RHOV: variants seen among roughly 807,000 people sequenced by gnomAD.
The protein encoded by RHOV is rho-related GTP-binding protein RhoV.
A neutral mutation model predicts 20.2 loss-of-function variants in RHOV; 6 were observed. The observed-to-expected ratio is 0.30, with a 90% CI of 0.16 to 0.59. The LOEUF (loss-of-function observed/expected upper bound fraction) is 0.59, where lower values mean the gene tolerates loss of function less well. Among genes scored for constraint, RHOV ranks in the 20% least tolerant of loss-of-function variants. The probability of loss-of-function intolerance (pLI) is 0.89; values close to 1 mark genes in which losing one functional copy is unlikely to be tolerated. For synonymous variants in RHOV, 136 were observed against 142.3 expected, an observed-to-expected ratio of 0.96 and a Z score of 0.31; for missense variants, 275 against 319.4, an observed-to-expected ratio of 0.86 and a Z score of 1.06.
Position 40,873,579 on chromosome 15 carries a change from G to A in RHOV, c.268-78C>T, listed in dbSNP as rs1021194289. The A allele has an allele frequency of 3.2e-6, 5 of 1,581,842 alleles. No individual in the cohort carries two copies. In the African/African-American group the frequency reaches 4.0e-5, roughly 13 times the overall value. ...ATTTCTCACCCGGGGCTGGAAACCT[G>A]AGACTCCAAGAGCCCAAGGCTTTCT... On this transcript the variant is annotated intron_variant, in intron 2 of 2. Coordinates refer to ENST00000220507, the MANE Select transcript of RHOV (RefSeq NM_133639.4).
In RHOV at chr15:40,873,262, G is replaced by A. The variant is rs1189999767; in HGVS notation, c.507C>T (p.Pro169=). 3 of 1,614,130 alleles carry A rather than the reference G, an allele frequency of 1.9e-6. No homozygotes were observed. The highest frequency in any genetic ancestry group is 2.5e-6 in the Non-Finnish European group (3 of 1,180,034). Residue 169 remains proline (P), a synonymous_variant, in exon 3 of 3, where the codon CCC becomes CCT. Coordinates refer to ENST00000220507, the MANE Select transcript of RHOV (RefSeq NM_133639.4). ...QGGREGPVPQ[P]QAQGLAEKIR... ...TCTTCTCGGCCAGACCCTGAGCCTG[G>A]GGTTGGGGCACGGGGCCCTCCCGGC...
chr15:40,873,004 G>A lies in RHOV; in HGVS notation c.*54C>T, dbSNP rs1891906020. On this transcript the variant is annotated 3_prime_UTR_variant, in exon 3 of 3. Coordinates refer to ENST00000220507, the MANE Select transcript of RHOV (RefSeq NM_133639.4). The stretch of plus-strand genomic sequence containing the variant: ...CTGCCGCAAAGGCCCGGGTGCCCCA[G>A]GTCTCAGAAGTCTTTGGCCTCCTGC... 6.9e-7 allele frequency: 1 copy of A among 1,438,938 alleles called. No homozygotes were observed. The highest frequency in any genetic ancestry group is 9.6e-7 in the Non-Finnish European group (1 of 1,040,078). 89.1% of individuals were successfully genotyped at this position (1,438,938 alleles called of 1,614,324 possible). A position where few individuals can be genotyped will look rare whatever the true frequency, so the allele number is the denominator to read the frequency against.
rs754691420 is a variant in RHOV, at chr15:40,873,150, C to G, written c.619G>C (p.Glu207Gln). Residue 207 changes from glutamate to glutamine, a missense_variant, in exon 3 of 3, where the codon GAG (glutamate) becomes CAG (glutamine). Transcript: ENST00000220507. Reference sequence around the variant, plus strand: ...TTCTTCTCCAGCCGGGCTTTGTGCTCAATGGCACTGAGAATAGCCGAGTCA... The same window carrying G: ...TTCTTCTCCAGCCGGGCTTTGTGCTGAATGGCACTGAGAATAGCCGAGTCA... Reference protein sequence around the residue: ...VFDSAILSAIEHKARLEKKLN... With the variant: ...VFDSAILSAIQHKARLEKKLN... 5 of 1,614,138 alleles carry G rather than the reference C, an allele frequency of 3.1e-6. No homozygotes were observed. In the African/African-American group the frequency reaches 4.0e-5, roughly 13 times the overall value.
Position 40,874,164 on chromosome 15 carries a change from G to A in RHOV, c.-25C>T, listed in dbSNP as rs1460408715. Reference sequence around the variant, plus strand: ...TGGCCCGCTCCGGGGGCAGCAGAGGGGCCAGCCCGGGTCTCGGCTTCGCTG... The same window carrying A: ...TGGCCCGCTCCGGGGGCAGCAGAGGAGCCAGCCCGGGTCTCGGCTTCGCTG... On this transcript the variant is annotated 5_prime_UTR_variant, in exon 1 of 3. Coordinates refer to ENST00000220507, the MANE Select transcript of RHOV (RefSeq NM_133639.4). 1 of 1,100,260 alleles carries A rather than the reference G, an allele frequency of 9.1e-7. No homozygotes were observed. Among genetic ancestry groups the A allele is most frequent in the Non-Finnish European group, 1.2e-6 (1 of 842,670 alleles). 68.2% of individuals were successfully genotyped at this position (1,100,260 alleles called of 1,614,324 possible).
chr15:40,872,418 G>C lies in RHOV; in HGVS notation c.*640C>G, dbSNP rs1891897076. On this transcript the variant is annotated 3_prime_UTR_variant, in exon 3 of 3. Coordinates refer to ENST00000220507, the MANE Select transcript of RHOV (RefSeq NM_133639.4). ...TTGGGCAGTGCCTAGGGAGCCCAGAGACCCAGTTCTTCCCAGGGGCCAGCC... is the reference window on the plus strand; with the variant it reads ...TTGGGCAGTGCCTAGGGAGCCCAGACACCCAGTTCTTCCCAGGGGCCAGCC... The C allele has an allele frequency of 1.3e-5, 2 of 152,434 alleles. No homozygotes were observed. The highest frequency in any genetic ancestry group is 1.5e-5 in the Non-Finnish European group (1 of 68,202). 9.4% of individuals were successfully genotyped at this position (152,434 alleles called of 1,614,324 possible). A position where few individuals can be genotyped will look rare whatever the true frequency, so the allele number is the denominator to read the frequency against.
Position 40,872,994 on chromosome 15 carries a change from G to T in RHOV, c.*64C>A. 1.5e-6 allele frequency: 2 copies of T among 1,337,428 alleles called. No individual in the cohort carries two copies. Among genetic ancestry groups the T allele is most frequent in the Non-Finnish European group, 1.1e-6 (1 of 952,358 alleles). The allele number at this position is 1,337,428 out of a possible 1,614,324, so 82.8% of individuals were successfully genotyped here. ...CTGCCAGTAGCTGCCGCAAAGGCCCGGGTGCCCCAGGTCTCAGAAGTCTTT... is the reference window on the plus strand; with the variant it reads ...CTGCCAGTAGCTGCCGCAAAGGCCCTGGTGCCCCAGGTCTCAGAAGTCTTT... On this transcript the variant is annotated 3_prime_UTR_variant, in exon 3 of 3. Transcript: ENST00000220507.
At position 40,873,032 on chromosome 15, in the gene RHOV, A is replaced by G. The variant is rs1891906533; in HGVS notation, c.*26T>C. On this transcript the variant is annotated 3_prime_UTR_variant, in exon 3 of 3. Transcript: ENST00000220507. ...CTCAGAAGTCTTTGGCCTCCTGCCT[A>G]CTACTTGCTATGCAGCCATAGCTGC... 6.3e-7 allele frequency: 1 copy of G among 1,585,698 alleles called. No homozygotes were observed. The highest frequency in any genetic ancestry group is 1.1e-5 in the South Asian group (1 of 88,684).
chr15:40,873,280 C>T lies in RHOV; in HGVS notation c.489G>A (p.Glu163=). 1 of 1,614,010 alleles carries T rather than the reference C, an allele frequency of 6.2e-7. No homozygotes were observed. The highest frequency in any genetic ancestry group is 8.5e-7 in the Non-Finnish European group (1 of 1,180,028). Reference sequence around the variant, plus strand: ...GAGCCTGGGGTTGGGGCACGGGGCCCTCCCGGCCCCCCTGGTCCAGCTGAA... The same window carrying T: ...GAGCCTGGGGTTGGGGCACGGGGCCTTCCCGGCCCCCCTGGTCCAGCTGAA... ...VLIQLDQGGR[E]GPVPQPQAQG... The change falls in exon 3 of 3, where the codon GAG becomes GAA. Residue 163 remains glutamate, a synonymous_variant. Transcript: ENST00000220507.
chr15:40,873,876 C>T (rs1236650435), intron 1 of RHOV, 56 bp downstream of exon 1: 1 of 1,561,272 alleles, frequency 6.4e-7, no homozygotes, highest in African/African-American at 1.4e-5. Context: ...CCCCAGCTCC[C>T]CGGTGCACAG....
chr15:40,873,831 C>T, intron 1 of RHOV, 89 bp from the exon 2 acceptor site: 1 of 1,543,806 alleles, frequency 6.5e-7, no homozygotes, highest in East Asian at 2.3e-5. Context: ...AGTCTCCTCC[C>T]CGGGGTCCTC....
At position 40,873,670 on chromosome 15, in the gene RHOV, G is replaced by T; in HGVS notation, c.267+14C>A. The T allele has an allele frequency of 6.2e-7, 1 of 1,613,756 alleles. No individual in the cohort carries two copies. Among genetic ancestry groups the T allele is most frequent in the Non-Finnish European group, 8.5e-7 (1 of 1,179,750 alleles). On this transcript the variant is annotated intron_variant, in intron 2 of 2. Transcript: ENST00000220507. ...CTCCCCGCAGACCAGTAGAGGCCGC[G>T]CCCAGCTTCTCACCTGTCCCGCTGT...
chr15:40,873,610 T>A, intron 2 of RHOV, 74 bp downstream of exon 2: 1 of 1,587,820 alleles, frequency 6.3e-7, no homozygotes, highest in East Asian at 2.2e-5. Context: ...TTTCTCCATT[T>A]GCTCCATATG....
In RHOV at chr15:40,873,260, TG is replaced by T. The variant is rs771739683; in HGVS notation, c.508del (p.Gln170ArgfsTer20). On this transcript the variant is annotated frameshift_variant, in exon 3 of 3. Coordinates refer to ENST00000220507, the MANE Select transcript of RHOV (RefSeq NM_133639.4). LOFTEE classifies it high-confidence loss of function. The part of the protein sequence containing the change: ...GGREGPVPQP[Q>X]AQGLAEKIRA... ...GATCTTCTCGGCCAGACCCTGAGCC[TG>T]GGGTTGGGGCACGGGGCCCTCCCGG... is the stretch of plus-strand genomic sequence containing the variant. The T allele has an allele frequency of 1.9e-6, 3 of 1,614,010 alleles. No individual in the cohort carries two copies. Among genetic ancestry groups the T allele is most frequent in the Non-Finnish European group, 2.5e-6 (3 of 1,180,022 alleles).
chr15:40,872,728 A>AG lies in RHOV; in HGVS notation c.*329dup, dbSNP rs1330252610. 3 of 263,294 alleles carry AG rather than the reference A, an allele frequency of 1.1e-5. No individual in the cohort carries two copies. In the Admixed American group the frequency reaches 1.5e-4, roughly 13 times the overall value. 16.3% of individuals were successfully genotyped at this position (263,294 alleles called of 1,614,324 possible). On this transcript the variant is annotated 3_prime_UTR_variant, in exon 3 of 3. Coordinates refer to ENST00000220507, the MANE Select transcript of RHOV (RefSeq NM_133639.4). ...GCCAAGGAAGGGTCCTAATTCAGCC[A>AG]GGCTGACCTGAGGGCCCAGGACAAG...
At position 40,873,961 on chromosome 15, in the gene RHOV, T is replaced by G; in HGVS notation, c.179A>C (p.Tyr60Ser). 2 of 1,611,112 alleles carry G rather than the reference T, an allele frequency of 1.2e-6. No individual in the cohort carries two copies. Among genetic ancestry groups the G allele is most frequent in the Non-Finnish European group, 1.7e-6 (2 of 1,179,108 alleles). Residue 60 changes from tyrosine to serine, a missense_variant, in exon 1 of 3, where the codon TAC becomes TCC. Coordinates refer to ENST00000220507, the MANE Select transcript of RHOV (RefSeq NM_133639.4). ...SYTCNGYPAR[Y>S]RPTALDTFSV... ...GAAGGTGTCCAGCGCAGTGGGCCGG[T>G]AGCGCGCGGGGTACCCATTGCAGGT...
In RHOV at chr15:40,874,027, C is replaced by A. The variant is rs1247777910; in HGVS notation, c.113G>T (p.Gly38Val). 6.2e-7 allele frequency: 1 copy of A among 1,602,598 alleles called. No homozygotes were observed. Among genetic ancestry groups the A allele is most frequent in the Non-Finnish European group, 8.5e-7 (1 of 1,175,982 alleles). ...PELGIKCVLV[G>V]DGAVGKSSLI... ...GCTGCTCTTGCCCACGGCGCCGTCG[C>A]CCACCAGCACGCACTTGATGCCCAG... The change falls in exon 1 of 3, where the codon GGC (glycine) becomes GTC (valine). Residue 38 changes from glycine (G) to valine (V), a missense_variant. Transcript: ENST00000220507.
At position 40,873,354 on chromosome 15, in the gene RHOV, G is replaced by T; in HGVS notation, c.415C>A (p.Leu139Met). 1 of 1,613,126 alleles carries T rather than the reference G, an allele frequency of 6.2e-7. No homozygotes were observed. Among genetic ancestry groups the T allele is most frequent in the Non-Finnish European group, 8.5e-7 (1 of 1,179,970 alleles). The change falls in exon 3 of 3, where the codon CTG becomes ATG. Residue 139 changes from leucine (L) to methionine (M), a missense_variant. Physicochemically the swap from Leu to Met is conservative, Grantham distance 15 (BLOSUM62 2). Coordinates refer to ENST00000220507, the MANE Select transcript of RHOV (RefSeq NM_133639.4). The stretch of plus-strand genomic sequence containing the variant: ...AGGTCGGCCTGGGTGCCCACCAGCA[G>T]CACAGGCGCCTGGGGGTTGTGCGTG... ...IRTHNPQAPV[L>M]LVGTQADLRD...
Position 40,872,876 on chromosome 15 carries a change from C to T in RHOV, c.*182G>A. On this transcript the variant is annotated 3_prime_UTR_variant, in exon 3 of 3. Transcript: ENST00000220507. ...GAAATCCAAATCAGAGCCTTCCCTC[C>T]TAGGCTCACCCAGGCATATCAGAGT... 1.7e-6 allele frequency: 1 copy of T among 591,940 alleles called. No individual in the cohort carries two copies. The allele number at this position is 591,940 out of a possible 1,614,324, so 36.7% of individuals were successfully genotyped here.
In RHOV at chr15:40,874,131, C is replaced by A; in HGVS notation, c.9G>T (p.Pro3=). 1 of 1,341,588 alleles carries A rather than the reference C, an allele frequency of 7.5e-7. No individual in the cohort carries two copies. The highest frequency in any genetic ancestry group is 9.5e-7 in the Non-Finnish European group (1 of 1,049,604). The allele number at this position is 1,341,588 out of a possible 1,614,324, so 83.1% of individuals were successfully genotyped here. Residue 3 remains proline, a synonymous_variant, in exon 1 of 3, where the codon CCG becomes CCT. Transcript: ENST00000220507. ...GCGGCTCGGCCTCGCTCAGCTCCCG[C>A]GGCGGCATGGCCCGCTCCGGGGGCA... MP[P]RELSEAEPPP...
Sources: gnomAD v4.1 joint callset for allele counts on GRCh38, gnomAD v4.1.1 for gene constraint, MANE v1.5 for transcripts, NCBI Gene and HGNC (gene_info 2026-07-23, HGNC 2026-07-21) for gene names.